CSMD3: variants seen among roughly 807,000 people sequenced by gnomAD.
CSMD3 encodes CUB and sushi domain-containing protein 3.
Under a neutral mutation model 435.2 loss-of-function variants are expected in CSMD3, and 177 were observed. That is an observed-to-expected ratio of 0.41 (90% CI 0.36 to 0.46). The LOEUF (loss-of-function observed/expected upper bound fraction) is 0.46. Among genes scored for constraint, CSMD3 ranks in the 20% least tolerant of loss-of-function variants. CSMD3 has a pLI of 0.34. For synonymous variants in CSMD3, 1,656 were observed against 1,520.5 expected (o/e 1.09, Z -2.07); for missense variants, 4,265 against 4,504.6 (o/e 0.95, Z 1.52).
At chr8:113,006,085 C>T (rs2086044951) in intron 6 of CSMD3, among the ~76,000 whole-genome samples, 1 of 152,068 alleles carries the variant, frequency 6.6e-6, no homozygotes, top group Non-Finnish European at 1.5e-5. Flanking sequence ...ACCACTGACA[C>T]TTGCCAATGA....
intron 28 of CSMD3, among the ~76,000 whole-genome samples, chr8:112,515,754 G>A (rs779793726): frequency 3.3e-5 from 5 of 152,060 alleles, no homozygotes; most frequent in East Asian, 1.9e-4. Context: ...AGAACTGTCC[G>A]TCTACTGCCT....
At chr8:113,411,226 G>A (rs1412498884) in intron 1 of CSMD3, among the ~76,000 whole-genome samples, 1 of 152,040 alleles carries the variant, frequency 6.6e-6, no homozygotes, top group Non-Finnish European at 1.5e-5. Context: ...ATCAAGCAGA[G>A]GATAGTGCTT....
intron 3 of CSMD3, among the ~76,000 whole-genome samples, chr8:113,190,195 T>C (rs544551522): frequency 6.6e-6 from 1 of 151,816 alleles, no homozygotes; most frequent in Non-Finnish European, 1.5e-5. Flanking sequence ...TAAAAATTGG[T>C]CTTCAAAGAT....
intron 25 of CSMD3, among the ~76,000 whole-genome samples, chr8:112,555,704 G>A (rs1828053922): frequency 6.6e-6 from 1 of 151,884 alleles, no homozygotes; most frequent in Non-Finnish European, 1.5e-5. Flanking sequence ...TTAGTTGCAA[G>A]GCCTATAATA....
At chr8:112,995,860 C>T (rs989134367) in intron 6 of CSMD3, among the ~76,000 whole-genome samples, 1 of 151,354 alleles carries the variant, frequency 6.6e-6, no homozygotes, top group African/African-American at 2.4e-5. Context: ...CTAGAGTGAC[C>T]TATTGAAAAA....
chr8:113,156,587 A>C (rs2091932763), intron 4 of CSMD3, among the ~76,000 whole-genome samples: 1 of 151,294 alleles, frequency 6.6e-6, no homozygotes, highest in Admixed American at 6.6e-5. Flanking sequence ...GAAGTGGACT[A>C]CTCTATTCTG....
At chr8:113,313,476 G>C (rs1280310574) in intron 2 of CSMD3, 1 of 151,680 alleles carries the variant, frequency 6.6e-6, no homozygotes, top group African/African-American at 2.4e-5. Context: ...CGCCCGCCCC[G>C]ACACCCGGCT....
At chr8:113,027,315 A>G (rs932406430) in intron 5 of CSMD3, among the ~76,000 whole-genome samples, 17 of 152,112 alleles carry the variant, frequency 1.1e-4, no homozygotes, top group Non-Finnish European at 1.3e-4. Context: ...CCCAAGAAAA[A>G]CTAGCATATT....
chr8:113,346,798 T>G (rs2094154499), intron 1 of CSMD3, among the ~76,000 whole-genome samples: 1 of 152,176 alleles, frequency 6.6e-6, no homozygotes. Context: ...AATGATCTTA[T>G]GCCTTATGTG....
chr8:113,274,841 AAGAG>A (rs897384040), intron 3 of CSMD3, among the ~76,000 whole-genome samples: 17 of 143,926 alleles, frequency 1.2e-4, no homozygotes, highest in African/African-American at 4.1e-4. Context: ...CACAGAGAGA[AAGAG>A]AGAGAGAAAG....
intron 22 of CSMD3, among the ~76,000 whole-genome samples, chr8:112,633,739 T>A (rs2074579527): frequency 6.6e-6 from 1 of 152,060 alleles, no homozygotes; most frequent in Non-Finnish European, 1.5e-5. Flanking sequence ...TCAAAATCTA[T>A]ATAAATAAAA....
intron 21 of CSMD3, among the ~76,000 whole-genome samples, chr8:112,638,185 T>A (rs1367576225): frequency 8.2e-6 from 1 of 121,354 alleles, no homozygotes. Context: ...TAAATTACTA[T>A]TTATTAATTA....
chr8:112,816,423 C>T (rs992205541), intron 12 of CSMD3, among the ~76,000 whole-genome samples: 4 of 152,062 alleles, frequency 2.6e-5, no homozygotes, highest in Non-Finnish European at 5.9e-5. Context: ...TCTGACTGGT[C>T]AATTCTCCAA....
chr8:113,283,729 G>T (rs1324586968), intron 2 of CSMD3, among the ~76,000 whole-genome samples: 1 of 152,056 alleles, frequency 6.6e-6, no homozygotes, highest in Non-Finnish European at 1.5e-5. Flanking sequence ...CCACCACTGG[G>T]TACCTATCCA....
intron 1 of CSMD3, among the ~76,000 whole-genome samples, chr8:113,417,516 A>T (rs1476191552): frequency 6.6e-6 from 1 of 152,022 alleles, no homozygotes; most frequent in Non-Finnish European, 1.5e-5. Flanking sequence ...GATATCTTGA[A>T]CACTTCTCAT....
intron 5 of CSMD3, among the ~76,000 whole-genome samples, chr8:113,068,132 CT>C (rs950180603): frequency 2.6e-5 from 4 of 152,070 alleles, no homozygotes; most frequent in African/African-American, 9.7e-5. Flanking sequence ...AAAATACCAA[CT>C]TTTGAGTGAA....
At chr8:113,307,622 T>A (rs979864657) in intron 2 of CSMD3, among the ~76,000 whole-genome samples, 1 of 152,192 alleles carries the variant, frequency 6.6e-6, no homozygotes, top group Non-Finnish European at 1.5e-5. Context: ...TTGCAATGCA[T>A]GTATTTGTCA....
intron 27 of CSMD3, among the ~76,000 whole-genome samples, chr8:112,525,403 G>GA: frequency 6.7e-6 from 1 of 149,860 alleles, no homozygotes; most frequent in Non-Finnish European, 1.5e-5. Context: ...CCAGAATAAA[G>GA]TAGAAGTTTA....
At position 113,232,718 on chromosome 8, in the gene CSMD3, C is replaced by A. The variant is rs544764965; in HGVS notation, c.514+45874G>T. Reference sequence around the variant, plus strand: ...ACTTTTAAGGTAATCAAATACCTTGCCTTCACTATAGCATTTGATTACCCG... The same window carrying A: ...ACTTTTAAGGTAATCAAATACCTTGACTTCACTATAGCATTTGATTACCCG... On this transcript the variant is annotated intron_variant, in intron 3 of 70. Transcript: ENST00000297405. 3.3e-5 allele frequency among the ~76,000 whole-genome samples: 5 copies of A among 151,756 alleles called. No individual in the cohort carries two copies. In the South Asian group the frequency reaches 1.0e-3, roughly 32 times the overall value.
Sources: gnomAD v4.1 joint callset for allele counts (sites outside exome capture counted in the v4.1 genomes callset) on GRCh38, gnomAD v4.1.1 for gene constraint, MANE v1.5 for transcripts, NCBI Gene and HGNC (gene_info 2026-07-23, HGNC 2026-07-21) for gene names.